Variants in MED10 observed in about 807,000 individuals in gnomAD.
MED10 encodes the protein mediator complex subunit 10, also known as mediator of RNA polymerase II transcription subunit 10.
MED10 carries 9 observed loss-of-function variants against 17.2 expected under a neutral mutation model. The ratio of observed to expected loss-of-function variants is 0.52; its 90% confidence interval spans 0.31 to 0.91. The LOEUF is 0.91. MED10 is among the 40% of genes least tolerant of loss of function. The probability of loss-of-function intolerance (pLI) is 0.04; values close to 1 mark genes in which losing one functional copy is unlikely to be tolerated. For synonymous variants in MED10, 66 were observed against 59.8 expected, an observed-to-expected ratio of 1.10 and a Z score of -0.48; for missense variants, 129 against 164.8, an observed-to-expected ratio of 0.78 and a Z score of 1.19.
At chr5:6,372,665 A>C in intron 3 of MED10, 64 bp from the exon 4 acceptor site, 1 of 1,386,504 alleles carries the variant, frequency 7.2e-7, no homozygotes, top group Non-Finnish European at 1.0e-6. Flanking sequence ...TATTTAAAAT[A>C]TGCCTTTTGG....
intron 3 of MED10, among the ~76,000 whole-genome samples, chr5:6,373,033 G>A (rs1459636491): frequency 6.6e-6 from 1 of 152,184 alleles, no homozygotes; most frequent in Non-Finnish European, 1.5e-5. Flanking sequence ...AGGTGACGCT[G>A]GACTCAACAA....
At chr5:6,373,306 C>T (rs182867384) in intron 3 of MED10, among the ~76,000 whole-genome samples, 4 of 152,336 alleles carry the variant, frequency 2.6e-5, no homozygotes, top group Admixed American at 6.5e-5. Context: ...GCTGAGCACA[C>T]GTGTCCCAGT....
chr5:6,375,599 A>T (rs1460360544), intron 2 of MED10, among the ~76,000 whole-genome samples: 1 of 152,244 alleles, frequency 6.6e-6, no homozygotes, highest in African/African-American at 2.4e-5. Flanking sequence ...CTTCAACAGC[A>T]TGGACATCCT....
At chr5:6,375,145 A>G (rs1475024120) in intron 2 of MED10, among the ~76,000 whole-genome samples, 1 of 152,224 alleles carries the variant, frequency 6.6e-6, no homozygotes, top group Non-Finnish European at 1.5e-5. Flanking sequence ...TCCCCCAGAA[A>G]TTATCTTCAG....
rs1431648508 is a variant in MED10, at chr5:6,371,915, A to C, written c.*588T>G. 6.6e-6 allele frequency: 1 copy of C among 152,254 alleles called. No homozygotes were observed. 9.4% of individuals were successfully genotyped at this position (152,254 alleles called of 1,614,324 possible). A position where few individuals can be genotyped will look rare whatever the true frequency, so the allele number is the denominator to read the frequency against. ...CACATTGTATTATATTACAAAAATA[A>C]TTACATGGAATAAGCCACATACTTA... On this transcript the variant is annotated 3_prime_UTR_variant, in exon 4 of 4. Transcript: ENST00000255764.
At position 6,374,373 on chromosome 5, in the gene MED10, C is replaced by T; in HGVS notation, c.260G>A (p.Arg87Lys). The change falls in exon 3 of 4, where the codon AGG (arginine) becomes AAG (lysine). Residue 87 changes from arginine (R) to lysine (K), a missense_variant. Physicochemically the swap from Arg to Lys is conservative, Grantham distance 26. Transcript: ENST00000255764. Reference sequence around the variant, plus strand: ...AACTTGCTCATTTTTAGCTAGAGCCCTCTCCAGGCACTCTTTGGTGTAGAG... The same window carrying T: ...AACTTGCTCATTTTTAGCTAGAGCCTTCTCCAGGCACTCTTTGGTGTAGAG... Reference protein sequence around the residue: ...PQLYTKECLERALAKNEQVKG... With the variant: ...PQLYTKECLEKALAKNEQVKG... 1.2e-6 allele frequency: 2 copies of T among 1,614,040 alleles called. No homozygotes were observed. The highest frequency in any genetic ancestry group is 1.1e-5 in the South Asian group (1 of 91,072).
In MED10 at chr5:6,378,348, G is replaced by A; in HGVS notation, c.122+14C>T. The A allele has an allele frequency of 1.9e-6, 3 of 1,593,830 alleles. No individual in the cohort carries two copies. Among genetic ancestry groups the A allele is most frequent in the South Asian group, 1.1e-5 (1 of 88,946 alleles). ...GCCCTGGGGAGACCCCGGCAGCCTC[G>A]GGCCGCCACTCACAGCTTTTGGTTG... On this transcript the variant is annotated intron_variant, in intron 1 of 3. Transcript: ENST00000255764.
At chr5:6,375,033 T>C (rs758255652) in intron 2 of MED10, among the ~76,000 whole-genome samples, 32 of 152,168 alleles carry the variant, frequency 2.1e-4, no homozygotes, top group Non-Finnish European at 2.9e-5. Flanking sequence ...CGGCTTGATA[T>C]ACCACTTTAC....
chr5:6,374,738 T>G (rs1737958067), intron 2 of MED10: 1 of 263,838 alleles, frequency 3.8e-6, no homozygotes, highest in East Asian at 8.0e-5. Context: ...AATTCGTTCA[T>G]GCTATTTATT....
chr5:6,377,931 G>A (rs1738034080), intron 1 of MED10, among the ~76,000 whole-genome samples: 1 of 152,196 alleles, frequency 6.6e-6, no homozygotes, highest in African/African-American at 2.4e-5. Context: ...TGGCTTCGGA[G>A]CCTCACCTTC....
At chr5:6,378,235 A>C in intron 1 of MED10, 127 bp downstream of exon 1, 1 of 1,336,766 alleles carries the variant, frequency 7.5e-7, no homozygotes, top group Non-Finnish European at 9.9e-7. Flanking sequence ...CCGGGACCAG[A>C]CCAGAGGGCT....
Position 6,378,249 on chromosome 5 carries a change from G to A in MED10, c.122+113C>T, listed in dbSNP as rs1359337290. 3 of 1,383,634 alleles carry A rather than the reference G, an allele frequency of 2.2e-6. No individual in the cohort carries two copies. In the African/African-American group the frequency reaches 4.4e-5, roughly 20 times the overall value. The allele number at this position is 1,383,634 out of a possible 1,614,324, so 85.7% of individuals were successfully genotyped here. On this transcript the variant is annotated intron_variant, in intron 1 of 3. Coordinates refer to ENST00000255764, the MANE Select transcript of MED10 (RefSeq NM_032286.3). ...TCCGGGACCAGACCAGAGGGCTGGC[G>A]GGGCACGAGTAGCGGTCAGGCTCGG...
Position 6,372,527 on chromosome 5 carries a change from C to T in MED10, c.384G>A (p.Arg128=). Reference sequence around the variant, plus strand: ...GTTAAGAAGGCGGGTGATCCTCCCCCCGGATGCTTCGATACTTAGCCATGT... The same window carrying T: ...GTTAAGAAGGCGGGTGATCCTCCCCTCGGATGCTTCGATACTTAGCCATGT... The part of the protein sequence containing the change: ...PEDMAKYRSI[R]GEDHPPS The change falls in exon 4 of 4, where the codon CGG becomes CGA. Residue 128 remains arginine, a synonymous_variant. Transcript: ENST00000255764. 6.2e-7 allele frequency: 1 copy of T among 1,614,228 alleles called. No homozygotes were observed. The highest frequency in any genetic ancestry group is 8.5e-7 in the Non-Finnish European group (1 of 1,180,034).
intron 3 of MED10, among the ~76,000 whole-genome samples, chr5:6,373,741 G>A (rs563898742): frequency 3.9e-4 from 60 of 152,288 alleles, no homozygotes; most frequent in African/African-American, 1.3e-3. Flanking sequence ...ATGAGTGGCC[G>A]TTAAGTCCAA....
Position 6,372,528 on chromosome 5 carries a change from C to G in MED10, c.383G>C (p.Arg128Pro). The G allele has an allele frequency of 1.2e-6, 2 of 1,614,174 alleles. No homozygotes were observed. Among genetic ancestry groups the G allele is most frequent in the Non-Finnish European group, 1.7e-6 (2 of 1,180,016 alleles). Reference sequence around the variant, plus strand: ...TTAAGAAGGCGGGTGATCCTCCCCCCGGATGCTTCGATACTTAGCCATGTC... The same window carrying G: ...TTAAGAAGGCGGGTGATCCTCCCCCGGGATGCTTCGATACTTAGCCATGTC... ...PEDMAKYRSIRGEDHPPS is the reference protein window; with the variant it reads ...PEDMAKYRSIPGEDHPPS The change falls in exon 4 of 4, where the codon CGG (arginine) becomes CCG (proline). Residue 128 changes from arginine to proline, a missense_variant. By Grantham distance (103) the Arg-to-Pro change is moderately radical. This residue lies in a region of MED10 where 100 missense variants were observed against 121.0 expected (regional missense o/e 0.83). Transcript: ENST00000255764.
chr5:6,377,136 C>T, intron 2 of MED10, 30 bp downstream of exon 2: 1 of 1,483,032 alleles, frequency 6.7e-7, no homozygotes, highest in African/African-American at 1.4e-5. Flanking sequence ...AAGATTTATA[C>T]CCAAGACTAA....
At chr5:6,377,332 G>A (rs948644074) in intron 1 of MED10, 83 bp from the exon 2 acceptor site, 73 of 947,370 alleles carry the variant, frequency 7.7e-5, no homozygotes, top group African/African-American at 6.0e-4. Context: ...CCAGCCAACC[G>A]GGGCTCCACG....
intron 2 of MED10, chr5:6,374,945 A>C (rs1737962445): frequency 6.5e-6 from 1 of 153,310 alleles, no homozygotes; most frequent in Non-Finnish European, 1.5e-5. Context: ...GGAAAGGAGA[A>C]CTACAAGCAC....
At chr5:6,376,790 T>C (rs1010797750) in intron 2 of MED10, 6 of 155,818 alleles carry the variant, frequency 3.9e-5, no homozygotes, top group African/African-American at 7.2e-5. Context: ...ATTTACAATA[T>C]AGCCCTCATA....
Sources: allele counts gnomAD v4.1 joint callset (sites outside exome capture counted in the v4.1 genomes callset), GRCh38; gene constraint gnomAD v4.1.1; regional missense constraint gnomAD v4.1.1; transcripts MANE v1.5; gene names NCBI Gene and HGNC (gene_info 2026-07-23, HGNC 2026-07-21).